Variants in SCOC observed in about 807,000 individuals in gnomAD.
The protein encoded by SCOC is short coiled coil protein.
In SCOC, 7 loss-of-function variants were observed where a neutral mutation model predicts 9.9. That is an observed-to-expected ratio of 0.71 (90% CI 0.40 to 1.33). The LOEUF is 1.33. Among genes scored for constraint, SCOC ranks in the 40% most tolerant of loss-of-function variants. The probability of loss-of-function intolerance (pLI) is 0.01; values close to 1 mark genes in which losing one functional copy is unlikely to be tolerated. For synonymous variants in SCOC, 19 were observed against 28.2 expected, an observed-to-expected ratio of 0.67 and a Z score of 1.03; for missense variants, 66 against 89.7, an observed-to-expected ratio of 0.74 and a Z score of 1.07.
At chr4:140,339,651 G>A (rs1412506552), upstream of SCOC, among the ~76,000 whole-genome samples, 1 of 152,116 alleles carries the variant, frequency 6.6e-6, no homozygotes, top group Non-Finnish European at 1.5e-5. Flanking sequence ...GATATGAACA[G>A]ACACTTCTCA....
rs534059055 is a variant in SCOC at position 140,313,065 on chromosome 4, G to C, written c.-18-30556G>C. Among the ~76,000 whole-genome samples, 6 of 152,218 alleles carry C rather than the reference G, an allele frequency of 3.9e-5. No homozygotes were observed. The East Asian group carries it at 9.6e-4, about 24-fold the overall frequency. ...AGGTTCTGTTTCTCTTTTCCAGCTG[G>C]AAAGCCCATGTGAGAGGTACTTTAG... On this transcript the variant is annotated intron_variant, in intron 1 of 4. Coordinates refer to the SCOC transcript ENST00000394205.
At chr4:140,345,214 T>C (rs776412858) in intron 2 of SCOC, among the ~76,000 whole-genome samples, 7 of 152,020 alleles carry the variant, frequency 4.6e-5, no homozygotes, top group Non-Finnish European at 8.8e-5. Context: ...TGGTTGGTAG[T>C]GAGAGTGCCG....
chr4:140,379,513 C>T, intron 2 of SCOC, 56 bp from the exon 3 acceptor site: 2 of 1,261,904 alleles, frequency 1.6e-6, no homozygotes, highest in East Asian at 2.3e-5. Context: ...TAAGTGCTAC[C>T]CTACACAAAT....
chr4:140,302,448 T>C (rs998507385), intron 1 of SCOC, among the ~76,000 whole-genome samples: 10 of 152,198 alleles, frequency 6.6e-5, no homozygotes, highest in Admixed American at 5.9e-4. Flanking sequence ...GTTGAAGGAA[T>C]TGAAGAAATG....
At chr4:140,262,469 C>T (rs1730652855) in intron 1 of SCOC, among the ~76,000 whole-genome samples, 1 of 152,182 alleles carries the variant, frequency 6.6e-6, no homozygotes, top group African/African-American at 2.4e-5. Flanking sequence ...CTATAATCTC[C>T]AAAACACTGC....
rs144827622 is a variant in SCOC at position 140,320,812 on chromosome 4, G to A, written c.-18-22809G>A. Among the ~76,000 whole-genome samples the A allele has an allele frequency of 5.8e-4, 88 of 152,264 alleles. 1 individual carries two copies. In the East Asian group the frequency reaches 0.013, roughly 23 times the overall value. On this transcript the variant is annotated intron_variant, in intron 1 of 4. Coordinates refer to the SCOC transcript ENST00000394205. The stretch of plus-strand genomic sequence containing the variant: ...GACTGCAGCTAGGAGAGGAGAATAC[G>A]AGGGAAAAGAAGCTTCACTTTGGGG...
intron 1 of SCOC, among the ~76,000 whole-genome samples, chr4:140,300,965 T>C (rs1731794174): frequency 6.6e-6 from 1 of 152,162 alleles, no homozygotes; most frequent in Non-Finnish European, 1.5e-5. Flanking sequence ...CTGGTTGGTT[T>C]AGGCAGCCAT....
Position 140,328,276 on chromosome 4 carries a change from C to T in SCOC, c.-18-15345C>T, listed in dbSNP as rs2126491165. On this transcript the variant is annotated intron_variant, in intron 1 of 4. Coordinates refer to the SCOC transcript ENST00000394205. ...GGAGCAGGGACCACAACTTATTCCT[C>T]TCTGAATCCACAGTCCTGAGCATAC... 2.6e-5 allele frequency among the ~76,000 whole-genome samples: 4 copies of T among 152,272 alleles called. No individual in the cohort carries two copies. In the Middle Eastern group the frequency reaches 0.014, roughly 518 times the overall value.
intron 1 of SCOC, among the ~76,000 whole-genome samples, chr4:140,275,820 GTTT>G (rs1175950527): frequency 2.2e-5 from 2 of 90,642 alleles, no homozygotes; most frequent in Admixed American, 9.8e-5. Flanking sequence ...GCTCAGGTTT[GTTT>G]TTTTTTTTTT....
In SCOC at chr4:140,385,052, C is replaced by T. The variant is rs940165123; in HGVS notation, c.*3948C>T. Reference sequence around the variant, plus strand: ...TAAATTTGTTTATAAGCCACCCAGTCTATATTTTGTTATAGCATCCCAAAT... The same window carrying T: ...TAAATTTGTTTATAAGCCACCCAGTTTATATTTTGTTATAGCATCCCAAAT... On this transcript the variant is annotated 3_prime_UTR_variant, in exon 4 of 4. Transcript: ENST00000608372. The T allele has an allele frequency of 5.3e-5, 8 of 152,214 alleles. No homozygotes were observed. The highest frequency in any genetic ancestry group is 1.9e-4 in the African/African-American group (8 of 41,454). The allele number at this position is 152,214 out of a possible 1,614,324, so 9.4% of individuals were successfully genotyped here.
intron 1 of SCOC, among the ~76,000 whole-genome samples, chr4:140,320,430 C>T (rs1271322039): frequency 1.3e-5 from 2 of 152,206 alleles, no homozygotes; most frequent in Non-Finnish European, 2.9e-5. Flanking sequence ...TAATAAACTG[C>T]TTTCACTTTA....
At chr4:140,277,510 T>C (rs948665421) in intron 1 of SCOC, among the ~76,000 whole-genome samples, 1 of 152,214 alleles carries the variant, frequency 6.6e-6, no homozygotes, top group Admixed American at 6.5e-5. Flanking sequence ...GGAAGTCTTG[T>C]GGGATGTATA....
At chr4:140,292,129 C>T (rs939799689) in intron 1 of SCOC, among the ~76,000 whole-genome samples, 3 of 151,500 alleles carry the variant, frequency 2.0e-5, no homozygotes, top group Non-Finnish European at 4.4e-5. Context: ...TGCCCCCCAT[C>T]TTATGTTCAA....
At chr4:140,290,788 G>C (rs910922329) in intron 1 of SCOC, among the ~76,000 whole-genome samples, 8 of 152,154 alleles carry the variant, frequency 5.3e-5, no homozygotes, top group Non-Finnish European at 8.8e-5. Context: ...ACTCCAGCCT[G>C]GGAAACATTG....
chr4:140,274,281 A>C (rs1251387640), intron 1 of SCOC, among the ~76,000 whole-genome samples: 9 of 152,234 alleles, frequency 5.9e-5, no homozygotes, highest in African/African-American at 1.9e-4. Context: ...AAGTGTCTAC[A>C]ATATGGAATG....
chr4:140,372,539 A>ATT (rs150324410), upstream of SCOC, among the ~76,000 whole-genome samples: 4 of 151,858 alleles, frequency 2.6e-5, no homozygotes, highest in African/African-American at 9.7e-5. Context: ...TTTATGTTGG[A>ATT]TTTTTTTTCA....
chr4:140,343,702 G>A, exon 2 of SCOC: 1 of 1,611,892 alleles, frequency 6.2e-7, no homozygotes, highest in Middle Eastern at 1.7e-4. Context: ...TCTTGCAGAT[G>A]ACATAGGTAA....
At chr4:140,321,137 A>G (rs1338224671) in intron 1 of SCOC, among the ~76,000 whole-genome samples, 1 of 152,190 alleles carries the variant, frequency 6.6e-6, no homozygotes, top group Non-Finnish European at 1.5e-5. Flanking sequence ...AACCATAGCA[A>G]TAACAAACTT....
chr4:140,345,015 C>T (rs1293153230), intron 2 of SCOC, among the ~76,000 whole-genome samples: 2 of 152,140 alleles, frequency 1.3e-5, no homozygotes, highest in Non-Finnish European at 2.9e-5. Context: ...CTCCCCTCCA[C>T]GTCTCATCTT....
Sources: gnomAD v4.1 joint callset for allele counts (sites outside exome capture counted in the v4.1 genomes callset) on GRCh38, gnomAD v4.1.1 for gene constraint, MANE v1.5 for transcripts, NCBI Gene and HGNC (gene_info 2026-07-23, HGNC 2026-07-21) for gene names.